The following TTC6 variants were observed in gnomAD, a reference collection of about 807,000 sequenced individuals.
TTC6 encodes tetratricopeptide repeat protein 6.
In TTC6, 172 loss-of-function variants were observed where a neutral mutation model predicts 210.4. That is an observed-to-expected ratio of 0.82 (90% CI 0.72 to 0.93). The LOEUF (loss-of-function observed/expected upper bound fraction) is 0.93. Among genes scored for constraint, TTC6 ranks in the 40% least tolerant of loss-of-function variants. The pLI is 0.00. For missense variants in TTC6, 2,414 were observed against 2,318.1 expected (o/e 1.04, Z -0.85); for synonymous variants, 804 against 819.6 (o/e 0.98, Z 0.32).
chr14:37,784,094 G>T (rs534554891), intron 14 of TTC6, among the ~76,000 whole-genome samples: 3 of 152,190 alleles, frequency 2.0e-5, no homozygotes, highest in African/African-American at 4.8e-5. Flanking sequence ...GTGCTGAGAA[G>T]AATGTATATT....
At chr14:37,747,721 G>A (rs2095940314) in intron 10 of TTC6, among the ~76,000 whole-genome samples, 1 of 152,144 alleles carries the variant, frequency 6.6e-6, no homozygotes, top group African/African-American at 2.4e-5. Context: ...CTGAGACAGG[G>A]AGCAAGATGG....
intron 10 of TTC6, among the ~76,000 whole-genome samples, chr14:37,742,372 T>C (rs540298647): frequency 6.6e-6 from 1 of 152,172 alleles, no homozygotes; most frequent in African/African-American, 2.4e-5. Flanking sequence ...TTAGTTGTTT[T>C]ATCCTTCCAC....
chr14:37,789,109 A>T (rs1483014733), intron 15 of TTC6, among the ~76,000 whole-genome samples: 1 of 152,176 alleles, frequency 6.6e-6, no homozygotes, highest in Non-Finnish European at 1.5e-5. Flanking sequence ...ACCTGCAACA[A>T]AAAAGGACTC....
chr14:37,637,160 A>G (rs2095682534), intron 1 of TTC6, among the ~76,000 whole-genome samples: 1 of 98,918 alleles, frequency 1.0e-5, no homozygotes, highest in African/African-American at 2.9e-5. Context: ...AAACCACAAG[A>G]AAAAAAACCC....
intron 1 of TTC6, among the ~76,000 whole-genome samples, chr14:37,651,436 TTTTTTTTTTTTTTTTTTCC>T (rs1415309463): frequency 1.3e-3 from 64 of 48,806 alleles, no homozygotes; most frequent in African/African-American, 6.3e-3. Flanking sequence ...TTTTTTTTTT[TTTTTTTTTTTTTTTTTTCC>T]ATCCATGATT....
At chr14:37,710,837 A>C (rs1342619718) in intron 5 of TTC6, among the ~76,000 whole-genome samples, 1 of 152,124 alleles carries the variant, frequency 6.6e-6, no homozygotes, top group Middle Eastern at 3.2e-3. Context: ...TCGCAAACCT[A>C]CTGAATTAGA....
intron 10 of TTC6, 84 bp downstream of exon 12, chr14:37,739,239 T>TTATTTTATTCTGCACTGAACA: frequency 1.5e-6 from 2 of 1,309,524 alleles, no homozygotes; most frequent in Non-Finnish European, 2.0e-6. Context: ...CATGAAGTTA[T>TTATTTTATTCTGCACTGAACA]TATTTTATTC....
At chr14:37,819,557 C>T (rs575885870) in intron 26 of TTC6, among the ~76,000 whole-genome samples, 7 of 152,004 alleles carry the variant, frequency 4.6e-5, no homozygotes, top group African/African-American at 7.3e-5. Flanking sequence ...TTAGTCACCA[C>T]GAGTGTTATG....
chr14:37,728,207 T>C (rs887911731), intron 7 of TTC6, among the ~76,000 whole-genome samples: 2 of 152,222 alleles, frequency 1.3e-5, no homozygotes, highest in African/African-American at 2.4e-5. Context: ...TTACATTTTA[T>C]GTGGCATATT....
chr14:37,813,557 C>T (rs2139443467), intron 25 of TTC6, among the ~76,000 whole-genome samples: 1 of 152,260 alleles, frequency 6.6e-6, no homozygotes, highest in East Asian at 1.9e-4. Context: ...ACACCGGGTC[C>T]TCAACAATGC....
At chr14:37,700,006 G>A (rs2095821904) in intron 4 of TTC6, among the ~76,000 whole-genome samples, 1 of 152,142 alleles carries the variant, frequency 6.6e-6, no homozygotes, top group African/African-American at 2.4e-5. Flanking sequence ...CTGGGATATT[G>A]CAGCTTTAAA....
intron 14 of TTC6, among the ~76,000 whole-genome samples, chr14:37,765,280 A>C (rs2095995490): frequency 6.6e-6 from 1 of 151,596 alleles, no homozygotes; most frequent in African/African-American, 2.4e-5. Context: ...CTCCCACCTC[A>C]GACTCCCAGG....
intron 1 of TTC6, among the ~76,000 whole-genome samples, chr14:37,604,776 A>G (rs969566179): frequency 6.6e-6 from 1 of 152,134 alleles, no homozygotes; most frequent in Non-Finnish European, 1.5e-5. Context: ...TGAGAAAGCA[A>G]GACTCTTGAT....
intron 1 of TTC6, among the ~76,000 whole-genome samples, chr14:37,660,057 T>C (rs1290409765): frequency 1.3e-5 from 2 of 152,182 alleles, no homozygotes; most frequent in African/African-American, 2.4e-5. Flanking sequence ...AGGTTGTCTG[T>C]TCACTCTGTT....
At chr14:37,765,426 C>G (rs2095996249) in intron 14 of TTC6, among the ~76,000 whole-genome samples, 2 of 151,664 alleles carry the variant, frequency 1.3e-5, no homozygotes, top group Admixed American at 6.6e-5. Context: ...AGCAATCCCC[C>G]AACTTTGTGA....
At chr14:37,778,922 G>A (rs1189635249) in intron 14 of TTC6, among the ~76,000 whole-genome samples, 2 of 152,146 alleles carry the variant, frequency 1.3e-5, no homozygotes, top group African/African-American at 4.8e-5. Context: ...TCTCCAAGGG[G>A]AGCATGGCAG....
At chr14:37,748,825 A>G (rs959210734) in intron 10 of TTC6, 114 bp from the exon 13 acceptor site, 15 of 735,570 alleles carry the variant, frequency 2.0e-5, no homozygotes, top group Non-Finnish European at 2.9e-5. Flanking sequence ...TAAAATTAGC[A>G]TGTAATTTTG....
chr14:37,731,080 C>T (rs1216209231), intron 7 of TTC6, among the ~76,000 whole-genome samples: 4 of 152,188 alleles, frequency 2.6e-5, no homozygotes, highest in African/African-American at 7.2e-5. Context: ...TCACCTCAAG[C>T]ACTGAATTAG....
rs1223332570 is a variant in TTC6 at position 37,784,512 on chromosome 14, GTC to G, written c.3267-2952_3267-2951del. Among the ~76,000 whole-genome samples the G allele has an allele frequency of 2.0e-5, 3 of 152,060 alleles. No individual in the cohort carries two copies. The East Asian group carries it at 5.8e-4, about 29-fold the overall frequency. ...ATCCCTTTATTTTGAGCCTATGTGT[GTC>G]TCTGCACGTTGAGATGGGTCTCCTG... On this transcript the variant is annotated intron_variant, in intron 14 of 30. Transcript: ENST00000553443.
Sources: allele counts gnomAD v4.1 joint callset (sites outside exome capture counted in the v4.1 genomes callset), GRCh38; gene constraint gnomAD v4.1.1; transcripts MANE v1.5; gene names NCBI Gene and HGNC (gene_info 2026-07-23, HGNC 2026-07-21).